Variants in SPAG17 observed in about 807,000 individuals in gnomAD.
SPAG17 encodes sperm associated antigen 17, also known as sperm-associated antigen 17.
In SPAG17, 169 loss-of-function variants were observed where a neutral mutation model predicts 273.6. That is an observed-to-expected ratio of 0.62 (90% CI 0.55 to 0.70). The LOEUF (loss-of-function observed/expected upper bound fraction) is 0.70. SPAG17 is among the 30% of genes least tolerant of loss of function. The pLI, the probability that SPAG17 is intolerant of heterozygous loss-of-function variation, is 0.00. For synonymous variants in SPAG17, 825 were observed against 873.2 expected (o/e 0.94, Z 0.97); for missense variants, 2,557 against 2,627.8 (o/e 0.97, Z 0.59).
intron 24 of SPAG17, among the ~76,000 whole-genome samples, chr1:118,033,795 C>G (rs1648756326): frequency 6.6e-6 from 1 of 152,204 alleles, no homozygotes; most frequent in Non-Finnish European, 1.5e-5. Flanking sequence ...TTCTTAAGTT[C>G]TAGAATTCCC....
intron 48 of SPAG17, chr1:117,961,380 G>T (rs1053428302): frequency 3.3e-5 from 5 of 152,262 alleles, no homozygotes; most frequent in African/African-American, 1.2e-4. Flanking sequence ...TTCATGGTAA[G>T]GATTTGGGGA....
chr1:117,954,697 G>A (rs1018984078), intron 48 of SPAG17: 1 of 1,473,266 alleles, frequency 6.8e-7, no homozygotes, highest in Non-Finnish European at 9.3e-7. Flanking sequence ...AAAGGAAGTA[G>A]AGGCATTATG....
chr1:118,127,349 G>C (rs975872684), intron 3 of SPAG17, among the ~76,000 whole-genome samples: 4 of 152,136 alleles, frequency 2.6e-5, no homozygotes, highest in African/African-American at 9.7e-5. Flanking sequence ...GCAGCTTCTA[G>C]GGAGGCCTCA....
chr1:118,023,417 A>C lies in SPAG17; in HGVS notation c.3956T>G (p.Leu1319Arg). 3 of 1,611,814 alleles carry C rather than the reference A, an allele frequency of 1.9e-6. No individual in the cohort carries two copies. The highest frequency in any genetic ancestry group is 1.7e-6 in the Non-Finnish European group (2 of 1,178,482). Residue 1319 changes from leucine (L) to arginine (R), a missense_variant, in exon 28 of 49, where the codon CTT becomes CGT. Transcript: ENST00000336338. ...TGGCATTTCAGAAGGAGGACAAATA[A>C]GACCTGAATTGGGACTCCTGCTCAC... ...GAVSRSPNSG[L>R]ICPPSEMPAT...
intron 13 of SPAG17, among the ~76,000 whole-genome samples, chr1:118,083,202 C>T (rs903948673): frequency 2.6e-5 from 4 of 152,082 alleles, no homozygotes; most frequent in African/African-American, 4.8e-5. Context: ...GTGATCCACC[C>T]GTCTCGGCCT....
Position 118,151,289 on chromosome 1 carries a change from A to G in SPAG17, c.168T>C (p.Ala56=). The G allele has an allele frequency of 6.2e-7, 1 of 1,613,740 alleles. No individual in the cohort carries two copies. The highest frequency in any genetic ancestry group is 8.5e-7 in the Non-Finnish European group (1 of 1,179,728). ...AGAGTTTACGCTGAGGGACCTGGAC[A>G]GCCACGGTAAGGGCTTGGATGAGAA... ...DDLLIQALTV[A]VQVPQRKLFS... Residue 56 remains alanine, a synonymous_variant, in exon 2 of 49, where the codon GCT becomes GCC. Transcript: ENST00000336338.
intron 20 of SPAG17, among the ~76,000 whole-genome samples, chr1:118,042,733 A>G (rs1446923226): frequency 2.6e-5 from 4 of 152,166 alleles, no homozygotes; most frequent in Admixed American, 6.5e-5. Context: ...CATTCTCTCC[A>G]TTTACATAGA....
At chr1:118,130,252 T>C (rs1465249160) in intron 3 of SPAG17, among the ~76,000 whole-genome samples, 1 of 152,172 alleles carries the variant, frequency 6.6e-6, no homozygotes, top group Admixed American at 6.5e-5. Context: ...CAGTGTATGC[T>C]GTGTGCCACC....
chr1:118,165,449 G>A (rs1660116497), intron 1 of SPAG17, among the ~76,000 whole-genome samples: 1 of 151,874 alleles, frequency 6.6e-6, no homozygotes, highest in African/African-American at 2.4e-5. Flanking sequence ...AGAACCTCGG[G>A]TATTTACCCC....
chr1:117,972,098 A>C, intron 44 of SPAG17, 51 bp from the exon 45 acceptor site: 1 of 1,466,496 alleles, frequency 6.8e-7, no homozygotes, highest in Non-Finnish European at 9.2e-7. Context: ...AGTTCCCAAG[A>C]TTAAAAAAAA....
intron 4 of SPAG17, among the ~76,000 whole-genome samples, chr1:118,108,674 TGAAG>T (rs1388488687): frequency 6.6e-6 from 1 of 151,900 alleles, no homozygotes; most frequent in Admixed American, 6.6e-5. Context: ...CCCCAGCATA[TGAAG>T]GAAGAGTCAA....
intron 12 of SPAG17, 93 bp from the exon 13 acceptor site, chr1:118,086,165 T>A (rs900731316): frequency 3.4e-6 from 4 of 1,180,548 alleles, no homozygotes; most frequent in Non-Finnish European, 4.8e-6. Context: ...ACCTTCACCC[T>A]CATTATTTGG....
intron 1 of SPAG17, among the ~76,000 whole-genome samples, chr1:118,183,267 ACAATAGAGCACACTACGTGTGCT>A (rs1661030009): frequency 6.6e-6 from 1 of 152,194 alleles, no homozygotes; most frequent in Admixed American, 6.5e-5. Flanking sequence ...GGATACTAAA[ACAATAGAGCACACTACGTGTGCT>A]CAAAATTCAC....
At chr1:118,022,494 A>G (rs1040210714) in intron 28 of SPAG17, among the ~76,000 whole-genome samples, 2 of 152,190 alleles carry the variant, frequency 1.3e-5, no homozygotes, top group African/African-American at 4.8e-5. Context: ...ATGCAAATCA[A>G]CATAATAAGA....
At chr1:118,115,507 T>G (rs976387435) in intron 3 of SPAG17, 66 bp from the exon 4 acceptor site, 1 of 1,432,016 alleles carries the variant, frequency 7.0e-7, no homozygotes, top group East Asian at 2.4e-5. Context: ...CTGTCAGTGA[T>G]GAAAAGATGA....
chr1:118,028,843 G>C lies in SPAG17; in HGVS notation c.3610-449C>G, dbSNP rs544528704. 2.6e-5 allele frequency among the ~76,000 whole-genome samples: 4 copies of C among 152,146 alleles called. 1 individual carries two copies. The highest frequency in any genetic ancestry group is 5.9e-5 in the Non-Finnish European group (4 of 68,028). ...GTGGGGCAGTTTAGAAAGTGATTAA[G>C]TCATGAGGGCTCCACCCTTATGAAT... On this transcript the variant is annotated intron_variant, in intron 25 of 48. Coordinates refer to ENST00000336338, the MANE Select transcript of SPAG17 (RefSeq NM_206996.4).
Position 117,987,834 on chromosome 1 carries a change from C to G in SPAG17, c.5669G>C (p.Arg1890Thr), listed in dbSNP as rs137944373. ...TATGTGCGTTTTGGGGTATAATTAC[C>G]TCGTTTTGTCTATCTTTTCTTTCCA... Reference protein sequence around the residue: ...KRWKEKIDKTRKEIETTQNYL... With the variant: ...KRWKEKIDKTTKEIETTQNYL... Residue 1890 changes from arginine (R) to threonine (T), a missense_variant and splice_region_variant, in exon 40 of 49, where the codon AGG becomes ACG. Coordinates refer to ENST00000336338, the MANE Select transcript of SPAG17 (RefSeq NM_206996.4). 66 of 1,612,246 alleles carry G rather than the reference C, an allele frequency of 4.1e-5. No individual in the cohort carries two copies. The African/African-American group carries it at 8.2e-4, about 20-fold the overall frequency.
At chr1:117,967,109 GTGAAAT>G (rs1240489017) in intron 46 of SPAG17, among the ~76,000 whole-genome samples, 36 of 152,142 alleles carry the variant, frequency 2.4e-4, no homozygotes, top group African/African-American at 7.9e-4. Flanking sequence ...ACTTTCAGTA[GTGAAAT>G]CTGCAATAGC....
intron 32 of SPAG17, among the ~76,000 whole-genome samples, chr1:118,002,883 T>G (rs1044825044): frequency 3.3e-5 from 5 of 152,236 alleles, no homozygotes; most frequent in African/African-American, 4.8e-5. Context: ...GTTAGCTGGT[T>G]ATTTTGCCCA....
Sources: gnomAD v4.1 joint callset for allele counts (sites outside exome capture counted in the v4.1 genomes callset) on GRCh38, gnomAD v4.1.1 for gene constraint, MANE v1.5 for transcripts, NCBI Gene and HGNC (gene_info 2026-07-23, HGNC 2026-07-21) for gene names.